AKT3: variants seen among roughly 807,000 people sequenced by gnomAD.
AKT3 encodes RAC-gamma serine/threonine-protein kinase.
Under a neutral mutation model 65.3 loss-of-function variants are expected in AKT3, and 15 were observed. The ratio of observed to expected loss-of-function variants is 0.23; its 90% CI spans 0.15 to 0.35. The LOEUF (loss-of-function observed/expected upper bound fraction) is 0.35, where lower values mean the gene tolerates loss of function less well. Among genes scored for constraint, AKT3 ranks in the 10% least tolerant of loss-of-function variants. The pLI, the probability that AKT3 is intolerant of heterozygous loss-of-function variation, is 1.00. For missense variants in AKT3, 243 were observed against 576.5 expected, an observed-to-expected ratio of 0.42 and a Z score of 5.92; for synonymous variants, 206 against 183.8, an observed-to-expected ratio of 1.12 and a Z score of -0.98.
chr1:243,714,054 G>A (rs137927915), intron 2 of AKT3, among the ~76,000 whole-genome samples: 1,531 of 152,260 alleles, frequency 0.01, 11 homozygotes, highest in Non-Finnish European at 0.017. Context: ...TCTTTTTAAA[G>A]ACAGTAATAA....
downstream of AKT3, among the ~76,000 whole-genome samples, chr1:243,498,780 A>G (rs376923339): frequency 6.6e-6 from 1 of 152,224 alleles, no homozygotes; most frequent in African/African-American, 2.4e-5. Flanking sequence ...TCCAGCTTGG[A>G]AAATCCTCAC....
chr1:243,664,933 G>T, intron 3 of AKT3, 50 bp from the exon 4 acceptor site: 2 of 1,118,356 alleles, frequency 1.8e-6, no homozygotes, highest in Non-Finnish European at 2.5e-6. Context: ...TTTAAAACAA[G>T]AAGTAAATAA....
At chr1:243,677,656 G>T (rs1333070867) in intron 3 of AKT3, among the ~76,000 whole-genome samples, 1 of 151,952 alleles carries the variant, frequency 6.6e-6, no homozygotes, top group Non-Finnish European at 1.5e-5. Context: ...AAGGTGAAAG[G>T]AGTAGATGTA....
intron 2 of AKT3, among the ~76,000 whole-genome samples, chr1:243,714,901 C>A (rs1255284495): frequency 6.6e-6 from 1 of 151,716 alleles, no homozygotes; most frequent in Non-Finnish European, 1.5e-5. Flanking sequence ...TCTGTGTGAC[C>A]CTTTTAGGTA....
At chr1:243,692,662 C>A (rs866381807) in intron 3 of AKT3, among the ~76,000 whole-genome samples, 1 of 151,956 alleles carries the variant, frequency 6.6e-6, no homozygotes, top group Admixed American at 6.6e-5. Flanking sequence ...CACTTGAACC[C>A]GGAAGGCGGA....
chr1:243,703,682 C>T (rs1685608983), intron 2 of AKT3, among the ~76,000 whole-genome samples: 1 of 150,704 alleles, frequency 6.6e-6, no homozygotes, highest in Non-Finnish European at 1.5e-5. Context: ...ATTGTTTGAA[C>T]CCAGGAAGCG....
At chr1:243,696,561 G>C (rs893767215) in intron 2 of AKT3, among the ~76,000 whole-genome samples, 11 of 152,030 alleles carry the variant, frequency 7.2e-5, no homozygotes, top group Admixed American at 3.3e-4. Context: ...GTTCTCTACT[G>C]GTTATTTCTA....
intron 10 of AKT3, among the ~76,000 whole-genome samples, chr1:243,554,437 C>G (rs1257099987): frequency 1.3e-5 from 2 of 152,126 alleles, no homozygotes; most frequent in Non-Finnish European, 2.9e-5. Flanking sequence ...TAGTTTTCAT[C>G]ATCAGCGCAA....
Position 243,695,619 on chromosome 1 carries a change from A to C in AKT3, c.144T>G (p.Pro48=). Residue 48 remains proline, a synonymous_variant, in exon 3 of 14, where the codon CCT becomes CCG. Transcript: ENST00000673466. ...YKEKPQDVDL[P]YPLNNFSVAK... is the part of the protein sequence containing the mutation. ...CCACTGAAAAGTTGTTGAGGGGATA[A>C]GGTAAATCCACATCTTGAGGTTTCT... is the stretch of plus-strand genomic sequence containing the variant. 6.2e-7 allele frequency: 1 copy of C among 1,604,418 alleles called. No individual in the cohort carries two copies. Among genetic ancestry groups the C allele is most frequent in the Non-Finnish European group, 8.5e-7 (1 of 1,174,358 alleles).
intron 3 of AKT3, among the ~76,000 whole-genome samples, chr1:243,666,951 G>A (rs891090620): frequency 1.3e-4 from 20 of 152,292 alleles, no homozygotes; most frequent in African/African-American, 4.8e-4. Flanking sequence ...ACACTGTAGA[G>A]TATCTACTGT....
chr1:243,550,958 C>CAAAAAA (rs60047036), intron 11 of AKT3, among the ~76,000 whole-genome samples: 223 of 17,520 alleles, frequency 0.013, 15 homozygotes, highest in Non-Finnish European at 0.015. Flanking sequence ...GACTCCCTCT[C>CAAAAAA]AAAAAAAAAA....
chr1:243,628,887 A>C (rs573055609), intron 6 of AKT3, among the ~76,000 whole-genome samples: 1 of 152,360 alleles, frequency 6.6e-6, no homozygotes, highest in East Asian at 1.9e-4. Context: ...TGAACTAAAC[A>C]AACATAACCT....
In AKT3 at chr1:243,493,947, G is replaced by C. The variant is rs550473735; in HGVS notation, c.*7-5497C>G. Among the ~76,000 whole-genome samples, 13 of 152,078 alleles carry C rather than the reference G, an allele frequency of 8.5e-5. No individual in the cohort carries two copies. In the South Asian group the frequency reaches 2.7e-3, roughly 32 times the overall value. Reference sequence around the variant, plus strand: ...GGGAGCAAGACTCCCTGCCGAGGGAGGCCTGGCTGCAAGGCGGAGCTGCTG... The same window carrying C: ...GGGAGCAAGACTCCCTGCCGAGGGACGCCTGGCTGCAAGGCGGAGCTGCTG... On this transcript the variant is annotated intron_variant, in intron 13 of 13. Coordinates refer to the AKT3 transcript ENST00000336199.
intron 8 of AKT3, among the ~76,000 whole-genome samples, chr1:243,575,978 T>C (rs1332123540): frequency 6.6e-6 from 1 of 152,106 alleles, no homozygotes; most frequent in African/African-American, 2.4e-5. Context: ...TGAGATCAGA[T>C]TGGTTAGGAT....
chr1:243,628,342 C>G (rs1257198253), intron 6 of AKT3, among the ~76,000 whole-genome samples: 3 of 151,974 alleles, frequency 2.0e-5, no homozygotes, highest in African/African-American at 2.4e-5. Context: ...TTGTGTCAAC[C>G]AGGCTGAATA....
intron 12 of AKT3, among the ~76,000 whole-genome samples, chr1:243,515,650 T>C (rs1439851081): frequency 6.6e-6 from 1 of 152,250 alleles, no homozygotes; most frequent in Non-Finnish European, 1.5e-5. Context: ...TTAAACATTT[T>C]AGCATATATA....
At chr1:243,566,973 A>G (rs1033673487) in intron 9 of AKT3, among the ~76,000 whole-genome samples, 1 of 152,184 alleles carries the variant, frequency 6.6e-6, no homozygotes, top group Non-Finnish European at 1.5e-5. Flanking sequence ...AATATGCAAT[A>G]ATTTATTTTA....
At chr1:243,578,228 G>A (rs1396833235) in intron 8 of AKT3, among the ~76,000 whole-genome samples, 2 of 152,026 alleles carry the variant, frequency 1.3e-5, no homozygotes, top group Admixed American at 6.6e-5. Flanking sequence ...ACAAAGATAC[G>A]TGCATGCATA....
chr1:243,850,577 C>CCGCCGCCGATCGGTTCTCGCCGT (rs1695739126), upstream of AKT3, among the ~76,000 whole-genome samples: 1 of 151,216 alleles, frequency 6.6e-6, no homozygotes, highest in Non-Finnish European at 1.5e-5. Context: ...CCGCTCGGGG[C>CCGCCGCCGATCGGTTCTCGCCGT]CGCCGCCGAT....
Sources: allele counts gnomAD v4.1 joint callset (sites outside exome capture counted in the v4.1 genomes callset), GRCh38; gene constraint gnomAD v4.1.1; transcripts MANE v1.5; gene names NCBI Gene and HGNC (gene_info 2026-07-23, HGNC 2026-07-21).